The following HOXB9 variants were observed in gnomAD, a reference collection of about 807,000 sequenced individuals.
HOXB9 encodes homeobox B9.
HOXB9 carries 10 observed loss-of-function variants against 21.5 expected under a neutral mutation model. The observed-to-expected ratio is 0.47, with a 90% CI of 0.29 to 0.79. The LOEUF (loss-of-function observed/expected upper bound fraction) is 0.79. HOXB9 is among the 30% of genes least tolerant of loss of function. HOXB9 has a pLI of 0.10. For missense variants in HOXB9, 375 were observed against 338.7 expected (o/e 1.11, Z -0.84); for synonymous variants, 156 against 151.2 (o/e 1.03, Z -0.23).
chr17:48,624,756 G>A (rs975179344), intron 1 of HOXB9, among the ~76,000 whole-genome samples: 1 of 151,970 alleles, frequency 6.6e-6, no homozygotes, highest in East Asian at 1.9e-4. Flanking sequence ...TAAATAATAG[G>A]AGAACCCTCT....
At chr17:48,625,611 C>G in intron 1 of HOXB9, 142 bp downstream of exon 1, 54 of 971,582 alleles carry the variant, frequency 5.6e-5, no homozygotes, top group Non-Finnish European at 7.1e-5. Context: ...TCCGTCTTTC[C>G]TTCCTCTCCC....
intron 1 of HOXB9, among the ~76,000 whole-genome samples, chr17:48,625,120 A>C (rs997840219): frequency 6.6e-6 from 1 of 152,184 alleles, no homozygotes; most frequent in African/African-American, 2.4e-5. Flanking sequence ...GCATCCGGGG[A>C]GGGGGCTCAG....
At chr17:48,625,621 C>T in intron 1 of HOXB9, 132 bp downstream of exon 1, 1 of 1,131,110 alleles carries the variant, frequency 8.8e-7, no homozygotes, top group Non-Finnish European at 1.2e-6. Context: ...CTTCCTCTCC[C>T]CTCCTCCTCC....
At chr17:48,625,600 C>T (rs893041036) in intron 1 of HOXB9, among the ~76,000 whole-genome samples, 153 bp downstream of exon 1, 6 of 152,240 alleles carry the variant, frequency 3.9e-5, no homozygotes, top group African/African-American at 1.2e-4. Context: ...TTCCCCTTCC[C>T]TCCGTCTTTC....
chr17:48,623,233 G>A, intron 1 of HOXB9, 98 bp from the exon 2 acceptor site: 1 of 941,840 alleles, frequency 1.1e-6, no homozygotes, highest in African/African-American at 1.6e-5. Flanking sequence ...ATCTTGCACT[G>A]GAGAAGAGGC....
intron 1 of HOXB9, among the ~76,000 whole-genome samples, 174 bp from the exon 2 acceptor site, chr17:48,623,309 C>T (rs1415809865): frequency 6.6e-6 from 1 of 152,208 alleles, no homozygotes; most frequent in African/African-American, 2.4e-5. Context: ...TAGACACCTC[C>T]AGGTGAGAGG....
chr17:48,624,097 GCTTCTCTTCTTAC>G (rs2070792763), intron 1 of HOXB9, among the ~76,000 whole-genome samples: 1 of 152,070 alleles, frequency 6.6e-6, no homozygotes, highest in Non-Finnish European at 1.5e-5. Context: ...ATATATACAG[GCTTCTCTTCTTAC>G]CTTCTCTCCC....
chr17:48,623,726 C>A (rs1307702484), intron 1 of HOXB9, among the ~76,000 whole-genome samples: 1 of 152,184 alleles, frequency 6.6e-6, no homozygotes, highest in Non-Finnish European at 1.5e-5. Flanking sequence ...CCCCTGCCAC[C>A]ACCACACACC....
chr17:48,624,503 C>T (rs1457087749), intron 1 of HOXB9, among the ~76,000 whole-genome samples: 1 of 152,106 alleles, frequency 6.6e-6, no homozygotes, highest in Non-Finnish European at 1.5e-5. Flanking sequence ...TAGGATTCCA[C>T]CTGGCAGGTT....
In HOXB9 at chr17:48,626,162, C is replaced by A; in HGVS notation, c.108G>T (p.Ser36=). ...GGTGCTCCGCGTGGCCCGGCTGCCG[C>A]GAGCTCGCGTACTGGCCAGAAGGAA... ...AKFPSGQYAS[S]RQPGHAEHLE... The change falls in exon 1 of 2, where the codon TCG becomes TCT. Residue 36 remains serine, a synonymous_variant. Transcript: ENST00000311177. 6.3e-7 allele frequency: 1 copy of A among 1,597,568 alleles called. No homozygotes were observed.
chr17:48,625,442 C>T (rs1015305154), intron 1 of HOXB9, among the ~76,000 whole-genome samples: 5 of 152,310 alleles, frequency 3.3e-5, no homozygotes, highest in African/African-American at 1.2e-4. Flanking sequence ...TCTGGCCGGG[C>T]TTTCAGCTGG....
chr17:48,623,501 G>A (rs1316712197), intron 1 of HOXB9, among the ~76,000 whole-genome samples: 2 of 152,224 alleles, frequency 1.3e-5, no homozygotes, highest in East Asian at 1.9e-4. Flanking sequence ...AGGGGTGGGT[G>A]GCTGACCTGA....
At chr17:48,624,904 C>G (rs967320688) in intron 1 of HOXB9, among the ~76,000 whole-genome samples, 26 of 152,208 alleles carry the variant, frequency 1.7e-4, no homozygotes, top group African/African-American at 5.5e-4. Context: ...CTCTTCCCCC[C>G]ACCCCTCCTC....
intron 1 of HOXB9, among the ~76,000 whole-genome samples, chr17:48,624,752 A>AT (rs1282168449): frequency 1.3e-5 from 2 of 152,014 alleles, no homozygotes; most frequent in Non-Finnish European, 2.9e-5. Flanking sequence ...AAAATAAATA[A>AT]TAGGAGAACC....
Position 48,622,971 on chromosome 17 carries a change from GTC to G in HOXB9, c.680_681del (p.Arg227ThrfsTer18). On this transcript the variant is annotated frameshift_variant, in exon 2 of 2. Transcript: ENST00000311177. LOFTEE classifies it high-confidence loss of function. ...EVARLLNLSERQVKIWFQNRR... is the reference protein window; with the variant it reads ...EVARLLNLSEXQVKIWFQNRR... The stretch of plus-strand genomic sequence containing the variant: ...CGGTTCTGAAACCAGATTTTGACTT[GTC>G]TCTCACTCAGATTGAGGAGTCTGGC... 6.2e-7 allele frequency: 1 copy of G among 1,614,156 alleles called. No homozygotes were observed. Among genetic ancestry groups the G allele is most frequent in the Non-Finnish European group, 8.5e-7 (1 of 1,180,026 alleles).
intron 1 of HOXB9, among the ~76,000 whole-genome samples, chr17:48,624,916 C>T (rs1000911501): frequency 1.3e-5 from 2 of 152,218 alleles, no homozygotes; most frequent in African/African-American, 4.8e-5. Flanking sequence ...CCCCTCCTCT[C>T]CCCGGGGTCC....
chr17:48,626,309 C>A lies in HOXB9; in HGVS notation c.-40G>T, dbSNP rs954184221. On this transcript the variant is annotated 5_prime_UTR_variant, in exon 1 of 2. Transcript: ENST00000311177. Reference sequence around the variant, plus strand: ...CGGGCGCTTGCAGGGGGAAGGGAAGCGCTCGCGCGGCGGCGCCCAAGCAGG... The same window carrying A: ...CGGGCGCTTGCAGGGGGAAGGGAAGAGCTCGCGCGGCGGCGCCCAAGCAGG... 2.6e-6 allele frequency: 4 copies of A among 1,541,270 alleles called. No homozygotes were observed. Among genetic ancestry groups the A allele is most frequent in the Admixed American group, 1.9e-5 (1 of 52,640 alleles).
In HOXB9 at chr17:48,623,105, C is replaced by A; in HGVS notation, c.548G>T (p.Arg183Leu). Residue 183 changes from arginine (R) to leucine (L), a missense_variant, in exon 2 of 2, where the codon CGC becomes CTC. By Grantham distance (102) the Arg-to-Leu change is moderately radical (BLOSUM62 -2). Coordinates refer to ENST00000311177, the MANE Select transcript of HOXB9 (RefSeq NM_024017.5). The part of the protein sequence containing the change: ...TNPSANWLHA[R>L]SSRKKRCPYT... Reference sequence around the variant, plus strand: ...GGGACAGCGCTTTTTCCGGGAAGAGCGAGCGTGCAGCCAGTTGGCGGAGGG... The same window carrying A: ...GGGACAGCGCTTTTTCCGGGAAGAGAGAGCGTGCAGCCAGTTGGCGGAGGG... 6.2e-7 allele frequency: 1 copy of A among 1,613,636 alleles called. No individual in the cohort carries two copies. Among genetic ancestry groups the A allele is most frequent in the Non-Finnish European group, 8.5e-7 (1 of 1,179,868 alleles).
At position 48,622,794 on chromosome 17, in the gene HOXB9, C is replaced by T. The variant is rs992154856; in HGVS notation, c.*106G>A. On this transcript the variant is annotated 3_prime_UTR_variant, in exon 2 of 2. Coordinates refer to ENST00000311177, the MANE Select transcript of HOXB9 (RefSeq NM_024017.5). The stretch of plus-strand genomic sequence containing the variant: ...AAGGACTTGGAAGAGAGACTCCCTT[C>T]CCCATTCACTTGAATACATCCCAGA... The T allele has an allele frequency of 2.0e-5, 16 of 782,590 alleles. No individual in the cohort carries two copies. The highest frequency in any genetic ancestry group is 2.9e-5 in the Non-Finnish European group (14 of 477,544). 48.5% of individuals were successfully genotyped at this position (782,590 alleles called of 1,614,324 possible).
Sources: allele counts gnomAD v4.1 joint callset (sites outside exome capture counted in the v4.1 genomes callset), GRCh38; gene constraint gnomAD v4.1.1; transcripts MANE v1.5; gene names NCBI Gene and HGNC (gene_info 2026-07-23, HGNC 2026-07-21).